The following ZNF638 variants were observed in gnomAD, a reference collection of about 807,000 sequenced individuals.
ZNF638 encodes the protein zinc finger protein 638, also known as CTCL tumor antigen se33-1.
In ZNF638, 46 loss-of-function variants were observed where a neutral mutation model predicts 195.6. The observed-to-expected ratio is 0.24, with a 90% confidence interval of 0.19 to 0.30. The LOEUF is 0.30. Ranked by LOEUF, ZNF638 falls within the 10% of genes least tolerant of loss-of-function variation. The pLI, the probability that ZNF638 is intolerant of heterozygous loss-of-function variation, is 1.00. For missense variants in ZNF638, 2,440 were observed against 2,325.3 expected, an observed-to-expected ratio of 1.05 and a Z score of -1.01; for synonymous variants, 845 against 772.0, an observed-to-expected ratio of 1.09 and a Z score of -1.57.
At position 71,433,276 on chromosome 2, in the gene ZNF638, A is replaced by G. The variant is rs561628007; in HGVS notation, c.5864A>G (p.Asn1955Ser). The G allele has an allele frequency of 6.2e-7, 1 of 1,606,498 alleles. No individual in the cohort carries two copies. Among genetic ancestry groups the G allele is most frequent in the African/African-American group, 1.3e-5 (1 of 74,822 alleles). ...NHCKSTRHKQ[N>S]TEKFMAKQRK... ...TGCAAGAGTACACGTCATAAGCAAAATACTGAGGTAATTTTAAAAATTCTT... is the reference window on the plus strand; with the variant it reads ...TGCAAGAGTACACGTCATAAGCAAAGTACTGAGGTAATTTTAAAAATTCTT... The change falls in exon 27 of 28, where the codon AAT (asparagine) becomes AGT (serine). Residue 1955 changes from asparagine (N) to serine (S), a missense_variant. Asn to Ser is a conservative substitution (Grantham distance 46, BLOSUM62 1). Coordinates refer to ENST00000264447, the MANE Select transcript of ZNF638 (RefSeq NM_014497.5).
chr2:71,360,748 T>G (rs372140942), intron 3 of ZNF638, among the ~76,000 whole-genome samples: 3 of 152,316 alleles, frequency 2.0e-5, no homozygotes, highest in Admixed American at 6.5e-5. Context: ...TGATGTGTAT[T>G]TATTGCATCA....
chr2:71,428,840 A>G (rs1558888666), intron 25 of ZNF638, 189 bp downstream of exon 25: 1 of 448,486 alleles, frequency 2.2e-6, no homozygotes, highest in East Asian at 3.4e-5. Flanking sequence ...GATTATTGAT[A>G]TTAGAATGTG....
Position 71,433,408 on chromosome 2 carries a change from A to G in ZNF638, c.5871+125A>G, listed in dbSNP as rs907605853. The G allele has an allele frequency of 4.4e-6, 3 of 688,498 alleles. No homozygotes were observed. The Admixed American group carries it at 8.0e-5, about 18-fold the overall frequency. The allele number at this position is 688,498 out of a possible 1,614,324, so 42.6% of individuals were successfully genotyped here. A position where few individuals can be genotyped will look rare whatever the true frequency, so the allele number is the denominator to read the frequency against. ...ATGTTTATGCCAGTTTATTCCTCTT[A>G]AGTCCTGTTTTCTCCTTCAGTGTAC... On this transcript the variant is annotated intron_variant, in intron 27 of 27. Transcript: ENST00000264447.
intron 18 of ZNF638, 78 bp downstream of exon 18, chr2:71,405,720 A>G: frequency 9.3e-7 from 1 of 1,072,008 alleles, no homozygotes. Flanking sequence ...CCTTTTAGGA[A>G]TTAAAACCTT....
chr2:71,409,249 C>G (rs2080164374), intron 20 of ZNF638, among the ~76,000 whole-genome samples: 1 of 152,132 alleles, frequency 6.6e-6, no homozygotes, highest in African/African-American at 2.4e-5. Context: ...ACACATATGG[C>G]TTATTTGTAA....
chr2:71,381,957 G>T (rs2079541781), intron 10 of ZNF638, among the ~76,000 whole-genome samples: 1 of 152,020 alleles, frequency 6.6e-6, no homozygotes, highest in Non-Finnish European at 1.5e-5. Context: ...ATCCCACTGA[G>T]AAAAAACAGC....
In ZNF638 at chr2:71,406,273, C is replaced by A. The variant is rs780000941; in HGVS notation, c.3135+11C>A. ...AGTAATAGAAACAAGGTAACAAGTT[C>A]CCTCATAATTTAGCTATTCATTCTG... On this transcript the variant is annotated intron_variant, in intron 19 of 27. Transcript: ENST00000264447. The A allele has an allele frequency of 1.2e-6, 2 of 1,607,200 alleles. No individual in the cohort carries two copies. The highest frequency in any genetic ancestry group is 1.3e-5 in the African/African-American group (1 of 74,810).
chr2:71,355,661 A>T, intron 2 of ZNF638, 58 bp from the exon 3 acceptor site: 2 of 1,139,784 alleles, frequency 1.8e-6, no homozygotes, highest in South Asian at 2.8e-5. Flanking sequence ...TAAAAGCCTA[A>T]TTCATTAGTC....
Position 71,353,622 on chromosome 2 carries a change from T to A in ZNF638, c.1318-2097T>A, listed in dbSNP as rs1367490104. ...GCAAGCCTAAGAATGTGTGTATGTG[T>A]GTTGAACTGAGAAGAGTATATCTTA... On this transcript the variant is annotated intron_variant, in intron 2 of 27. Coordinates refer to ENST00000264447, the MANE Select transcript of ZNF638 (RefSeq NM_014497.5). 2.0e-5 allele frequency among the ~76,000 whole-genome samples: 3 copies of A among 152,178 alleles called. No individual in the cohort carries two copies. The East Asian group carries it at 5.8e-4, about 29-fold the overall frequency.
chr2:71,355,000 G>A (rs1355866905), intron 2 of ZNF638, among the ~76,000 whole-genome samples: 3 of 151,656 alleles, frequency 2.0e-5, no homozygotes, highest in East Asian at 1.9e-4. Context: ...ACAGAGTCTC[G>A]CTCTGTCGCC....
At chr2:71,351,775 GTCT>G (rs1257941568) in intron 2 of ZNF638, among the ~76,000 whole-genome samples, 4 of 152,094 alleles carry the variant, frequency 2.6e-5, no homozygotes, top group African/African-American at 9.7e-5. Flanking sequence ...AGTTTATTCA[GTCT>G]TATTGGGGAG....
At chr2:71,405,392 TAAG>T (rs537316363) in intron 17 of ZNF638, among the ~76,000 whole-genome samples, 49 of 152,218 alleles carry the variant, frequency 3.2e-4, no homozygotes, top group Non-Finnish European at 5.9e-4. Context: ...CTTAGGGGAA[TAAG>T]AAGAATTAAA....
chr2:71,409,188 CACT>C (rs1261963983), intron 20 of ZNF638, among the ~76,000 whole-genome samples: 1 of 152,126 alleles, frequency 6.6e-6, no homozygotes, highest in East Asian at 1.9e-4. Flanking sequence ...ATTGGTACTT[CACT>C]TCCTAAGTGC....
intron 2 of ZNF638, among the ~76,000 whole-genome samples, chr2:71,353,171 C>T (rs1249626924): frequency 1.3e-5 from 2 of 152,158 alleles, no homozygotes; most frequent in African/African-American, 2.4e-5. Flanking sequence ...GTAAATCTGA[C>T]AATATGTATA....
At chr2:71,403,830 CATAAG>C in intron 16 of ZNF638, 35 bp from the exon 17 acceptor site, 1 of 1,422,584 alleles carries the variant, frequency 7.0e-7, no homozygotes, top group Non-Finnish European at 9.5e-7. Flanking sequence ...GAAAAAGTAA[CATAAG>C]ATTTTTCTTG....
intron 2 of ZNF638, among the ~76,000 whole-genome samples, chr2:71,350,778 T>G (rs532393726): frequency 2.4e-4 from 37 of 152,334 alleles, no homozygotes; most frequent in Middle Eastern, 3.4e-3. Flanking sequence ...TTTTTAGTAT[T>G]TTTTGAGAAG....
rs2078901955 is a variant in ZNF638, at chr2:71,349,175, C to T, written c.221C>T (p.Thr74Ile). 2 of 1,614,030 alleles carry T rather than the reference C, an allele frequency of 1.2e-6. No individual in the cohort carries two copies. Among genetic ancestry groups the T allele is most frequent in the African/African-American group, 2.7e-5 (2 of 74,904 alleles). ...CCACAGAGAATGAATGTTCAGGTAA[C>T]TCAACACAGAACTGATCCAAGATTG... ...MGPQRMNVQV[T>I]QHRTDPRLTK... The change falls in exon 2 of 28, where the codon ACT (threonine) becomes ATT (isoleucine). Residue 74 changes from threonine (T) to isoleucine (I), a missense_variant. Thr to Ile is a moderately conservative substitution (Grantham distance 89, BLOSUM62 -1). Transcript: ENST00000264447.
chr2:71,351,420 AG>A (rs550863081), intron 2 of ZNF638, among the ~76,000 whole-genome samples: 8 of 152,328 alleles, frequency 5.3e-5, no homozygotes, highest in African/African-American at 1.9e-4. Context: ...TTCCATCAGA[AG>A]GGATAGCAAA....
At chr2:71,350,969 G>A (rs184788612) in intron 2 of ZNF638, among the ~76,000 whole-genome samples, 10 of 152,348 alleles carry the variant, frequency 6.6e-5, no homozygotes, top group Admixed American at 5.9e-4. Context: ...TGCAGAGGCA[G>A]TGAAGTGTAC....
Sources: allele counts gnomAD v4.1 joint callset (sites outside exome capture counted in the v4.1 genomes callset), GRCh38; gene constraint gnomAD v4.1.1; transcripts MANE v1.5; gene names NCBI Gene and HGNC (gene_info 2026-07-23, HGNC 2026-07-21).